The following SBF2 variants were observed in gnomAD, a reference collection of about 807,000 sequenced individuals.
SBF2 encodes the protein SET binding factor 2.
A neutral mutation model predicts 225.2 loss-of-function variants in SBF2; 112 were observed. The ratio of observed to expected loss-of-function variants is 0.50; its 90% CI spans 0.43 to 0.58. The LOEUF (loss-of-function observed/expected upper bound fraction) is 0.58, where lower values mean the gene tolerates loss of function less well. SBF2 is among the 20% of genes least tolerant of loss of function. The probability of loss-of-function intolerance (pLI) is 0.00; values close to 1 mark genes in which losing one functional copy is unlikely to be tolerated. For synonymous variants in SBF2, 763 were observed against 773.3 expected (o/e 0.99, Z 0.22); for missense variants, 1,996 against 2,206.2 (o/e 0.90, Z 1.91).
intron 32 of SBF2, among the ~76,000 whole-genome samples, chr11:9,798,024 TTTATAA>T (rs10556084): frequency 0.054 from 8,229 of 151,908 alleles, 603 homozygotes; most frequent in African/African-American, 0.17. Flanking sequence ...ACTTGAGGAG[TTTATAA>T]TTATAATAAA....
At chr11:10,048,869 C>G (rs1377448026) in intron 2 of SBF2, among the ~76,000 whole-genome samples, 3 of 152,128 alleles carry the variant, frequency 2.0e-5, no homozygotes, top group Non-Finnish European at 4.4e-5. Flanking sequence ...ATTCAAAGTG[C>G]CCAGTAGACC....
At chr11:9,942,152 C>A (rs917375737) in intron 16 of SBF2, among the ~76,000 whole-genome samples, 1 of 152,122 alleles carries the variant, frequency 6.6e-6, no homozygotes, top group Non-Finnish European at 1.5e-5. Context: ...GCTCACTGCA[C>A]CCTCGAGTGG....
chr11:9,808,300 A>G (rs948506269), intron 31 of SBF2, 115 bp from the exon 32 acceptor site: 2 of 906,354 alleles, frequency 2.2e-6, no homozygotes, highest in African/African-American at 3.3e-5. Flanking sequence ...CTGGACAGCA[A>G]ATTTGTTCAC....
chr11:10,157,574 A>C (rs1955536591), intron 2 of SBF2, among the ~76,000 whole-genome samples: 1 of 152,202 alleles, frequency 6.6e-6, no homozygotes, highest in Non-Finnish European at 1.5e-5. Context: ...CAAGAACAAA[A>C]CAAACAACCC....
intron 28 of SBF2, 134 bp downstream of exon 28, chr11:9,829,222 C>T: frequency 2.1e-6 from 2 of 973,794 alleles, no homozygotes; most frequent in Non-Finnish European, 3.3e-6. Context: ...AACTTATAAC[C>T]CTTCAGGGTA....
upstream of SBF2, among the ~76,000 whole-genome samples, chr11:10,295,266 A>G (rs2133642199): frequency 6.6e-6 from 1 of 152,362 alleles, no homozygotes; most frequent in Admixed American, 6.5e-5. Flanking sequence ...TCTAGTATAT[A>G]GTAGGTGCCT....
At chr11:10,266,440 C>A (rs781477643) in intron 1 of SBF2, among the ~76,000 whole-genome samples, 1 of 152,142 alleles carries the variant, frequency 6.6e-6, no homozygotes, top group East Asian at 1.9e-4. Flanking sequence ...AGGCTAGATA[C>A]GGGTAAATGC....
chr11:9,949,708 G>C (rs1020829245), intron 16 of SBF2, among the ~76,000 whole-genome samples: 27 of 152,080 alleles, frequency 1.8e-4, no homozygotes, highest in Admixed American at 1.6e-3. Flanking sequence ...TAAGAAAAAG[G>C]GGCTTTTTTT....
intron 2 of SBF2, among the ~76,000 whole-genome samples, chr11:10,179,416 CA>C (rs911406835): frequency 2.3e-4 from 34 of 147,996 alleles, no homozygotes; most frequent in Admixed American, 6.1e-4. Context: ...AACAAACAAA[CA>C]AAAAAAACTT....
intron 17 of SBF2, among the ~76,000 whole-genome samples, chr11:9,883,623 T>C (rs1460228893): frequency 6.6e-6 from 1 of 152,180 alleles, no homozygotes; most frequent in Non-Finnish European, 1.5e-5. Context: ...TTTTATGAGT[T>C]ATTTTTCCTA....
chr11:9,800,296 T>C (rs1398074806), intron 32 of SBF2, among the ~76,000 whole-genome samples: 1 of 152,228 alleles, frequency 6.6e-6, no homozygotes, highest in African/African-American at 2.4e-5. Context: ...TTATGTGTTC[T>C]AGATAAATCC....
intron 1 of SBF2, among the ~76,000 whole-genome samples, chr11:10,290,048 AAAG>A (rs1415248620): frequency 6.6e-6 from 1 of 152,218 alleles, no homozygotes; most frequent in African/African-American, 2.4e-5. Flanking sequence ...CAACATGACA[AAAG>A]AAGAATTATC....
At chr11:10,217,516 A>G (rs1330759596) in intron 1 of SBF2, among the ~76,000 whole-genome samples, 3 of 152,236 alleles carry the variant, frequency 2.0e-5, no homozygotes, top group Admixed American at 6.5e-5. Flanking sequence ...TACTTAAGAC[A>G]ATAAAAGGCA....
rs1262382404 is a variant in SBF2 at position 9,856,633 on chromosome 11, A to C, written c.2188T>G (p.Ser730Ala). The C allele has an allele frequency of 5.0e-6, 8 of 1,614,034 alleles. No homozygotes were observed. The Admixed American group carries it at 8.3e-5, about 17-fold the overall frequency. Residue 730 changes from serine to alanine, a missense_variant, in exon 19 of 40, where the codon TCA becomes GCA. Transcript: ENST00000256190. ...TGTTGCACTAGCTCTTGCTGAGTTG[A>C]CTTGCTCAGGGTAGGCCAAAGGCGT... is the stretch of plus-strand genomic sequence containing the variant. ...QLRLWPTLSK[S>A]TQQELVQHEE...
upstream of SBF2, among the ~76,000 whole-genome samples, chr11:10,294,857 T>A (rs1227223758): frequency 1.3e-5 from 2 of 152,166 alleles, no homozygotes; most frequent in African/African-American, 2.4e-5. Flanking sequence ...GGCTGGCCTC[T>A]CCCTGGGGAG....
intron 2 of SBF2, among the ~76,000 whole-genome samples, chr11:10,131,284 G>A (rs1954039867): frequency 6.6e-6 from 1 of 151,354 alleles, no homozygotes; most frequent in Non-Finnish European, 1.5e-5. Context: ...GGAGTACAGT[G>A]GCACGATCAC....
intron 2 of SBF2, among the ~76,000 whole-genome samples, chr11:10,192,587 C>A (rs1957216597): frequency 6.6e-6 from 1 of 152,162 alleles, no homozygotes; most frequent in African/African-American, 2.4e-5. Context: ...TTGTTCTAAT[C>A]ATTTTATGTG....
chr11:10,086,834 T>G (rs1951584569), intron 2 of SBF2, among the ~76,000 whole-genome samples: 1 of 152,176 alleles, frequency 6.6e-6, no homozygotes, highest in Non-Finnish European at 1.5e-5. Context: ...GTGGTCCAGA[T>G]CGCCTGTTTT....
At chr11:9,981,506 T>A (rs956031046) in intron 13 of SBF2, among the ~76,000 whole-genome samples, 1 of 152,230 alleles carries the variant, frequency 6.6e-6, no homozygotes, top group Non-Finnish European at 1.5e-5. Flanking sequence ...AAAAGTTTAC[T>A]TGATTTATAA....
Sources: allele counts gnomAD v4.1 joint callset (sites outside exome capture counted in the v4.1 genomes callset), GRCh38; gene constraint gnomAD v4.1.1; transcripts MANE v1.5; gene names NCBI Gene and HGNC (gene_info 2026-07-23, HGNC 2026-07-21).